Variants in CTHRC1 observed in about 807,000 individuals in gnomAD.
The protein encoded by CTHRC1 is collagen triple helix repeat-containing protein 1.
Under a neutral mutation model 25.9 loss-of-function variants are expected in CTHRC1, and 21 were observed. The observed-to-expected ratio is 0.81, with a 90% confidence interval of 0.57 to 1.17. The LOEUF is 1.17. CTHRC1 is among the 50% of genes most tolerant of loss of function. The pLI, the probability that CTHRC1 is intolerant of heterozygous loss-of-function variation, is 0.00. For missense variants in CTHRC1, 281 were observed against 304.3 expected (o/e 0.92, Z 0.57); for synonymous variants, 109 against 113.1 (o/e 0.96, Z 0.23).
At position 103,371,784 on chromosome 8, in the gene CTHRC1, G is replaced by C; in HGVS notation, c.128G>C (p.Arg43Pro). Residue 43 changes from arginine (R) to proline (P), a missense_variant, in exon 1 of 4, where the codon CGG becomes CCG. Arg to Pro is a moderately radical substitution (Grantham distance 103). Transcript: ENST00000330295. Reference sequence around the variant, plus strand: ...AAGGGGAAGCAAAAGGCGCAGCTCCGGCAGAGGGAGGTGGTGGACCTGGTG... The same window carrying C: ...AAGGGGAAGCAAAAGGCGCAGCTCCCGCAGAGGGAGGTGGTGGACCTGGTG... ...IPKGKQKAQL[R>P]QREVVDLYNG... is the part of the protein sequence containing the mutation. 8 of 1,533,180 alleles carry C rather than the reference G, an allele frequency of 5.2e-6. No homozygotes were observed. Among genetic ancestry groups the C allele is most frequent in the Non-Finnish European group, 7.0e-6 (8 of 1,139,556 alleles). 95.0% of individuals were successfully genotyped at this position (1,533,180 alleles called of 1,614,324 possible).
At chr8:103,373,162 T>A (rs1420440142) in intron 1 of CTHRC1, among the ~76,000 whole-genome samples, 1 of 152,212 alleles carries the variant, frequency 6.6e-6, no homozygotes, top group Non-Finnish European at 1.5e-5. Flanking sequence ...CTGTGAAGCT[T>A]GCTATTTTCC....
chr8:103,372,348 A>C, intron 1 of CTHRC1: 3 of 998,326 alleles, frequency 3.0e-6, no homozygotes, highest in Non-Finnish European at 2.8e-6. Flanking sequence ...CTTGAAGACT[A>C]TGAGTCACGT....
chr8:103,372,718 G>A lies in CTHRC1; in HGVS notation c.150+912G>A, dbSNP rs557696226. ...CAACAAACCCAGTGGAGGGCGGAGA[G>A]GTTCTCTGGCCTGTGGTATGAGGGA... is the stretch of plus-strand genomic sequence containing the variant. On this transcript the variant is annotated intron_variant, in intron 1 of 3. Transcript: ENST00000330295. The A allele has an allele frequency of 7.4e-5, 107 of 1,441,284 alleles. No homozygotes were observed. The African/African-American group carries it at 1.4e-3, about 19-fold the overall frequency. The allele number at this position is 1,441,284 out of a possible 1,614,324, so 89.3% of individuals were successfully genotyped here. A position where few individuals can be genotyped will look rare whatever the true frequency, so the allele number is the denominator to read the frequency against.
At chr8:103,371,931 C>T (rs1815712274) in intron 1 of CTHRC1, 125 bp downstream of exon 1, 1 of 944,070 alleles carries the variant, frequency 1.1e-6, no homozygotes, top group African/African-American at 1.8e-5. Flanking sequence ...TGTCGTGTGT[C>T]TTGCTGCGCC....
chr8:103,378,334 G>C (rs1037839098), intron 3 of CTHRC1, 91 bp downstream of exon 3: 3 of 1,023,272 alleles, frequency 2.9e-6, no homozygotes, highest in Non-Finnish European at 4.5e-6. Flanking sequence ...CTAGCCTACT[G>C]TAAAGGGACC....
intron 1 of CTHRC1, among the ~76,000 whole-genome samples, chr8:103,373,715 C>G (rs980777745): frequency 6.8e-6 from 1 of 147,490 alleles, no homozygotes; most frequent in Non-Finnish European, 1.5e-5. Context: ...AGTAGCAATC[C>G]CCTCTCCCAA....
chr8:103,378,749 C>T (rs891379129), intron 3 of CTHRC1, among the ~76,000 whole-genome samples: 1 of 152,114 alleles, frequency 6.6e-6, no homozygotes, highest in Admixed American at 6.6e-5. Context: ...GGCGTGGTAG[C>T]TCACACCTGT....
chr8:103,373,253 G>A (rs1428434322), intron 1 of CTHRC1, among the ~76,000 whole-genome samples: 1 of 152,202 alleles, frequency 6.6e-6, no homozygotes, highest in Non-Finnish European at 1.5e-5. Flanking sequence ...AGGCTCAGGT[G>A]CATCCTGTAG....
intron 1 of CTHRC1, chr8:103,372,560 G>T (rs762700014): frequency 1.3e-6 from 2 of 1,598,298 alleles, no homozygotes; most frequent in African/African-American, 2.7e-5. Flanking sequence ...ATATGTGGCC[G>T]CCAGGTAGGA....
At chr8:103,377,728 C>T (rs1329717982) in intron 2 of CTHRC1, among the ~76,000 whole-genome samples, 1 of 152,172 alleles carries the variant, frequency 6.6e-6, no homozygotes, top group Non-Finnish European at 1.5e-5. Context: ...CTCAGCCTCC[C>T]GAGTAACTGG....
chr8:103,376,119 A>ATTT (rs1248835598), intron 2 of CTHRC1, 160 bp downstream of exon 2: 6 of 653,736 alleles, frequency 9.2e-6, no homozygotes, highest in Non-Finnish European at 8.0e-6. Context: ...AAAGTTTATA[A>ATTT]CATTTCAGAA....
intron 1 of CTHRC1, chr8:103,372,447 C>A: frequency 6.5e-7 from 1 of 1,536,598 alleles, no homozygotes; most frequent in African/African-American, 1.4e-5. Flanking sequence ...GGTTTAAGGC[C>A]GGAAAGGGAA....
At chr8:103,371,902 GTC>G in intron 1 of CTHRC1, 96 bp downstream of exon 1, 1 of 1,258,058 alleles carries the variant, frequency 7.9e-7, no homozygotes, top group South Asian at 1.6e-5. Context: ...TGTTGGGGGT[GTC>G]TGTCTGTACA....
At chr8:103,381,765 G>A (rs1284968835) in intron 3 of CTHRC1, among the ~76,000 whole-genome samples, 1 of 152,132 alleles carries the variant, frequency 6.6e-6, no homozygotes, top group Non-Finnish European at 1.5e-5. Context: ...TTGGGAGGCC[G>A]AAGTGGGTAA....
rs1231556558 is a variant in CTHRC1 at position 103,371,725 on chromosome 8, G to C, written c.69G>C (p.Gln23His). Residue 23 changes from glutamine to histidine, a missense_variant, in exon 1 of 4, where the codon CAG (glutamine) becomes CAC (histidine). Coordinates refer to ENST00000330295, the MANE Select transcript of CTHRC1 (RefSeq NM_138455.4). ...GCCTCCTGCTGCTCCTGCTGCTGCA[G>C]CTGCCCGCGCCGTCGAGCGCCTCTG... Reference protein sequence around the residue: ...LRGLLLLLLLQLPAPSSASEI... With the variant: ...LRGLLLLLLLHLPAPSSASEI... 1 of 1,535,900 alleles carries C rather than the reference G, an allele frequency of 6.5e-7. No individual in the cohort carries two copies. Among genetic ancestry groups the C allele is most frequent in the Admixed American group, 2.0e-5 (1 of 50,050 alleles).
chr8:103,371,722 G>T lies in CTHRC1; in HGVS notation c.66G>T (p.Leu22=). 2 of 1,535,794 alleles carry T rather than the reference G, an allele frequency of 1.3e-6. No individual in the cohort carries two copies. Among genetic ancestry groups the T allele is most frequent in the Non-Finnish European group, 1.8e-6 (2 of 1,141,792 alleles). The change falls in exon 1 of 4, where the codon CTG becomes CTT. Residue 22 remains leucine, a synonymous_variant. Transcript: ENST00000330295. ...RLRGLLLLLL[L]QLPAPSSASE... ...GCGGCCTCCTGCTGCTCCTGCTGCT[G>T]CAGCTGCCCGCGCCGTCGAGCGCCT...
intron 1 of CTHRC1, among the ~76,000 whole-genome samples, chr8:103,374,353 T>A (rs1815767505): frequency 6.6e-6 from 1 of 152,220 alleles, no homozygotes. Context: ...TTGTTTTCAT[T>A]GGGAAATATA....
chr8:103,380,582 C>T (rs1157535829), intron 3 of CTHRC1, among the ~76,000 whole-genome samples: 1 of 152,184 alleles, frequency 6.6e-6, no homozygotes, highest in East Asian at 1.9e-4. Flanking sequence ...AGGTTGAGAA[C>T]TCCCAATCCA....
rs966945057 is a variant in CTHRC1 at position 103,378,031 on chromosome 8, G to C, written c.377G>C (p.Cys126Ser). 6.2e-7 allele frequency: 1 copy of C among 1,610,174 alleles called. No homozygotes were observed. Among genetic ancestry groups the C allele is most frequent in the African/African-American group, 1.3e-5 (1 of 74,860 alleles). Residue 126 changes from cysteine to serine, a missense_variant, in exon 3 of 4, where the codon TGT (cysteine) becomes TCT (serine). Cys to Ser is a moderately radical substitution (Grantham distance 112). Transcript: ENST00000330295. The stretch of plus-strand genomic sequence containing the variant: ...CCATTTCTATGTTTGTGACAGGAGT[G>C]TACATTTACAAAGATGCGTTCAAAT... Reference protein sequence around the residue: ...YGIDLGKIAECTFTKMRSNSA... With the variant: ...YGIDLGKIAESTFTKMRSNSA...
Sources: allele counts gnomAD v4.1 joint callset (sites outside exome capture counted in the v4.1 genomes callset), GRCh38; gene constraint gnomAD v4.1.1; transcripts MANE v1.5; gene names NCBI Gene and HGNC (gene_info 2026-07-23, HGNC 2026-07-21).